PPP2R2B: variants seen among roughly 807,000 people sequenced by gnomAD.
PPP2R2B encodes the protein protein phosphatase 2 regulatory subunit Bbeta.
Under a neutral mutation model 46.0 loss-of-function variants are expected in PPP2R2B, and 5 were observed. The ratio of observed to expected loss-of-function variants is 0.11; its 90% CI spans 0.06 to 0.23. The LOEUF is 0.23. Ranked by LOEUF, PPP2R2B falls within the 10% of genes least tolerant of loss-of-function variation. PPP2R2B has a pLI of 1.00. For synonymous variants in PPP2R2B, 215 were observed against 206.7 expected (o/e 1.04, Z -0.34); for missense variants, 367 against 575.0 (o/e 0.64, Z 3.70).
At chr5:146,697,899 G>A in intron 4 of PPP2R2B, 80 bp downstream of exon 4, 1 of 1,391,818 alleles carries the variant, frequency 7.2e-7, no homozygotes, top group South Asian at 1.4e-5. Context: ...CAGTTCAAAG[G>A]AAATTGAGGT....
intron 2 of PPP2R2B, 114 bp from the exon 3 acceptor site, chr5:146,701,256 G>C (rs1779522179): frequency 1.0e-6 from 1 of 963,140 alleles, no homozygotes; most frequent in Non-Finnish European, 1.7e-6. Flanking sequence ...CTCTGCAGTG[G>C]AATTTACAAG....
At chr5:146,764,845 C>T (rs374801929) in intron 2 of PPP2R2B, among the ~76,000 whole-genome samples, 23 of 152,124 alleles carry the variant, frequency 1.5e-4, no homozygotes, top group Middle Eastern at 3.4e-3. Flanking sequence ...CACACACACA[C>T]GCACACGCAC....
chr5:146,686,650 A>G (rs1253703482), intron 5 of PPP2R2B, among the ~76,000 whole-genome samples: 3 of 152,212 alleles, frequency 2.0e-5, no homozygotes. Context: ...TGGGAAGGTT[A>G]TGACCAGTCA....
intron 1 of PPP2R2B, among the ~76,000 whole-genome samples, chr5:146,938,458 T>C (rs1764223314): frequency 6.6e-6 from 1 of 152,134 alleles, no homozygotes; most frequent in South Asian, 2.1e-4. Context: ...ACCTAGCAAT[T>C]ATATCTCTAA....
intron 1 of PPP2R2B, among the ~76,000 whole-genome samples, chr5:146,921,400 C>A (rs1267916924): frequency 6.6e-6 from 1 of 152,208 alleles, no homozygotes; most frequent in South Asian, 2.1e-4. Flanking sequence ...CAGGCAACAA[C>A]AATTTCATCT....
At chr5:146,961,041 A>T (rs4705123) in intron 1 of PPP2R2B, among the ~76,000 whole-genome samples, 1 of 152,108 alleles carries the variant, frequency 6.6e-6, no homozygotes, top group Non-Finnish European at 1.5e-5. Flanking sequence ...TTATGAAAAC[A>T]ATATTATTGT....
At chr5:146,976,100 T>A (rs1030076259) in intron 1 of PPP2R2B, among the ~76,000 whole-genome samples, 8 of 135,462 alleles carry the variant, frequency 5.9e-5, no homozygotes, top group African/African-American at 8.2e-5. Context: ...GTTTCATTTT[T>A]TAAAAAATTT....
chr5:146,928,792 C>T (rs190642622), intron 1 of PPP2R2B, among the ~76,000 whole-genome samples: 7 of 152,282 alleles, frequency 4.6e-5, no homozygotes, highest in Non-Finnish European at 8.8e-5. Context: ...ATTCTGGTGG[C>T]TTCCCATTTT....
At chr5:146,649,979 A>G (rs972480393) in intron 6 of PPP2R2B, among the ~76,000 whole-genome samples, 4 of 152,202 alleles carry the variant, frequency 2.6e-5, no homozygotes, top group African/African-American at 4.8e-5. Context: ...ACATTTTATC[A>G]AACTGTACAA....
chr5:147,081,039 G>A (rs1315036947), intron 2 of PPP2R2B: 2 of 1,530,328 alleles, frequency 1.3e-6, no homozygotes, highest in South Asian at 2.4e-5. Context: ...CAAGGAAAAG[G>A]GCATGGGGAT....
chr5:146,930,189 G>T (rs1026206661), intron 1 of PPP2R2B, among the ~76,000 whole-genome samples: 14 of 152,148 alleles, frequency 9.2e-5, no homozygotes, highest in Non-Finnish European at 1.5e-5. Flanking sequence ...GATTTTCAGA[G>T]GAGTGGTTGC....
chr5:146,820,939 C>A (rs1274272714), intron 2 of PPP2R2B, among the ~76,000 whole-genome samples: 1 of 152,110 alleles, frequency 6.6e-6, no homozygotes, highest in Non-Finnish European at 1.5e-5. Flanking sequence ...CCACGCCATG[C>A]CCTCTGCACT....
intron 2 of PPP2R2B, among the ~76,000 whole-genome samples, chr5:146,832,433 C>T (rs1282582270): frequency 8.6e-6 from 1 of 116,104 alleles, no homozygotes. Context: ...CTCTTATTGC[C>T]TGGGCTGGAG....
intron 1 of PPP2R2B, among the ~76,000 whole-genome samples, chr5:146,981,126 G>C (rs1753154977): frequency 1.3e-5 from 2 of 152,122 alleles, no homozygotes. Context: ...GAGCAGGCAG[G>C]AAATTCTGCC....
At chr5:146,916,293 G>GTTT (rs5871996) in intron 1 of PPP2R2B, among the ~76,000 whole-genome samples, 3 of 141,968 alleles carry the variant, frequency 2.1e-5, no homozygotes, top group Admixed American at 7.0e-5. Flanking sequence ...TGTTACCACC[G>GTTT]TTTTTTTTTT....
chr5:146,880,291 T>C (rs1762124473), upstream of PPP2R2B, among the ~76,000 whole-genome samples: 1 of 151,968 alleles, frequency 6.6e-6, no homozygotes, highest in South Asian at 2.1e-4. Flanking sequence ...TTAAGACTTA[T>C]ACACTTGTTT....
chr5:146,833,460 C>T (rs1052302420), intron 2 of PPP2R2B, among the ~76,000 whole-genome samples: 2 of 152,170 alleles, frequency 1.3e-5, no homozygotes, highest in South Asian at 2.1e-4. Context: ...TACCATCATA[C>T]TAAATTCCCC....
intron 1 of PPP2R2B, among the ~76,000 whole-genome samples, chr5:146,901,200 T>A (rs376686449): frequency 3.0e-4 from 45 of 152,216 alleles, no homozygotes; most frequent in African/African-American, 1.1e-3. Flanking sequence ...GGTGCTAACA[T>A]AAAATATCTG....
intron 1 of PPP2R2B, among the ~76,000 whole-genome samples, chr5:146,965,960 A>G (rs1479935923): frequency 1.3e-5 from 2 of 152,216 alleles, no homozygotes; most frequent in Admixed American, 6.5e-5. Flanking sequence ...CAGCAATGCA[A>G]TGCAATAATG....
Sources: gnomAD v4.1 joint callset for allele counts (sites outside exome capture counted in the v4.1 genomes callset) on GRCh38, gnomAD v4.1.1 for gene constraint, MANE v1.5 for transcripts, NCBI Gene and HGNC (gene_info 2026-07-23, HGNC 2026-07-21) for gene names.